Variants in PRKCH observed in about 807,000 individuals in gnomAD.
The protein encoded by PRKCH is protein kinase C eta.
In PRKCH, 28 loss-of-function variants were observed where a neutral mutation model predicts 82.5. The observed-to-expected ratio is 0.34, with a 90% CI of 0.25 to 0.47. PRKCH has a LOEUF of 0.47. Among genes scored for constraint, PRKCH ranks in the 20% least tolerant of loss-of-function variants. PRKCH has a pLI of 1.00. For missense variants in PRKCH, 705 were observed against 881.8 expected (o/e 0.80, Z 2.54); for synonymous variants, 322 against 327.4 (o/e 0.98, Z 0.18).
chr14:61,306,173 A>G (rs2045484256), intron 1 of PRKCH: 1 of 152,188 alleles, frequency 6.6e-6, no homozygotes, highest in African/African-American at 2.4e-5. Context: ...GGTGCTTAGT[A>G]AGGTCTCTCC....
intron 1 of PRKCH, among the ~76,000 whole-genome samples, chr14:61,262,138 T>G (rs575775765): frequency 2.0e-5 from 3 of 149,274 alleles, no homozygotes; most frequent in Non-Finnish European, 4.4e-5. Flanking sequence ...GGAGAATTGC[T>G]TGAACCTGGG....
At chr14:61,436,146 C>G (rs1295097538) in intron 2 of PRKCH, among the ~76,000 whole-genome samples, 1 of 152,206 alleles carries the variant, frequency 6.6e-6, no homozygotes, top group African/African-American at 2.4e-5. Context: ...ACGTTCTGTT[C>G]TAATCACTGT....
intron 1 of PRKCH, among the ~76,000 whole-genome samples, chr14:61,222,422 G>C (rs2044662848): frequency 6.6e-6 from 1 of 152,028 alleles, no homozygotes; most frequent in African/African-American, 2.4e-5. Flanking sequence ...ATGTTTTTAA[G>C]ACAATAAATG....
At chr14:61,482,125 G>A (rs1244749436) in intron 9 of PRKCH, among the ~76,000 whole-genome samples, 1 of 150,638 alleles carries the variant, frequency 6.6e-6, no homozygotes, top group Non-Finnish European at 1.5e-5. Flanking sequence ...CTCCCAAGTA[G>A]CTGGAATTAG....
At chr14:61,265,872 A>G (rs1487118630) in intron 1 of PRKCH, among the ~76,000 whole-genome samples, 1 of 152,138 alleles carries the variant, frequency 6.6e-6, no homozygotes, top group Non-Finnish European at 1.5e-5. Flanking sequence ...AGGTAGGAGG[A>G]TCACTAGAGG....
chr14:61,284,018 G>T (rs2140094943), intron 1 of PRKCH, among the ~76,000 whole-genome samples: 1 of 152,336 alleles, frequency 6.6e-6, no homozygotes, highest in South Asian at 2.1e-4. Flanking sequence ...AGATAATAGT[G>T]CAGATGAGGT....
intron 1 of PRKCH, among the ~76,000 whole-genome samples, chr14:61,295,230 A>G (rs190816721): frequency 2.0e-5 from 3 of 152,352 alleles, no homozygotes; most frequent in Admixed American, 6.5e-5. Context: ...AGAGAACATG[A>G]AAAAGGATTC....
At chr14:61,297,626 G>A (rs889549897) in intron 1 of PRKCH, among the ~76,000 whole-genome samples, 1 of 152,210 alleles carries the variant, frequency 6.6e-6, no homozygotes, top group African/African-American at 2.4e-5. Flanking sequence ...CATAAGGAAT[G>A]TGTGACCTAG....
At chr14:61,368,396 C>T (rs1384920097) in intron 1 of PRKCH, among the ~76,000 whole-genome samples, 1 of 152,072 alleles carries the variant, frequency 6.6e-6, no homozygotes, top group African/African-American at 2.4e-5. Context: ...AGGGAAAAGG[C>T]CCTGTACTGC....
At chr14:61,203,015 C>T (rs887970719) in intron 1 of PRKCH, among the ~76,000 whole-genome samples, 1 of 152,054 alleles carries the variant, frequency 6.6e-6, no homozygotes, top group African/African-American at 2.4e-5. Context: ...CCCTGCGCTC[C>T]ACCTGTTCAT....
intron 1 of PRKCH, among the ~76,000 whole-genome samples, chr14:61,362,246 G>T (rs981820203): frequency 4.6e-5 from 7 of 151,700 alleles, no homozygotes; most frequent in African/African-American, 1.7e-4. Flanking sequence ...AGGCAGAAGA[G>T]GGAGGATAGC....
intron 1 of PRKCH, among the ~76,000 whole-genome samples, chr14:61,267,081 G>A (rs1007061911): frequency 1.3e-5 from 2 of 152,174 alleles, no homozygotes; most frequent in Non-Finnish European, 2.9e-5. Context: ...AGGACCTGGA[G>A]GCTATAGAAC....
intron 10 of PRKCH, among the ~76,000 whole-genome samples, chr14:61,524,057 C>A (rs989612998): frequency 6.6e-6 from 1 of 152,200 alleles, no homozygotes; most frequent in African/African-American, 2.4e-5. Context: ...AAAAATAGTT[C>A]ATATAAATAG....
chr14:61,255,102 G>C (rs1221868719), intron 1 of PRKCH, among the ~76,000 whole-genome samples: 2 of 152,218 alleles, frequency 1.3e-5, no homozygotes, highest in African/African-American at 4.8e-5. Flanking sequence ...GATTAGGGCT[G>C]GAGTTGTGAA....
At chr14:61,547,021 G>A (rs1566938536) in intron 12 of PRKCH, among the ~76,000 whole-genome samples, 1 of 152,188 alleles carries the variant, frequency 6.6e-6, no homozygotes, top group Non-Finnish European at 1.5e-5. Context: ...GAATCTCTAT[G>A]CACACATCGC....
chr14:61,527,409 C>T (rs149063434), intron 10 of PRKCH, among the ~76,000 whole-genome samples: 1 of 152,204 alleles, frequency 6.6e-6, no homozygotes, highest in Non-Finnish European at 1.5e-5. Flanking sequence ...TCTGCTGCTT[C>T]TCTCTATCCG....
chr14:61,508,373 TAG>T, intron 10 of PRKCH, among the ~76,000 whole-genome samples: 1 of 152,208 alleles, frequency 6.6e-6, no homozygotes, highest in Admixed American at 6.5e-5. Flanking sequence ...ATACAGAGAT[TAG>T]AGTTGTGTTC....
intron 1 of PRKCH, among the ~76,000 whole-genome samples, chr14:61,328,434 C>A (rs186394481): frequency 1.6e-5 from 2 of 126,188 alleles, no homozygotes; most frequent in Admixed American, 8.8e-5. Flanking sequence ...ATTTTCACGC[C>A]CAAAATGTTA....
At chr14:61,429,093 G>T (rs768436712) in intron 2 of PRKCH, among the ~76,000 whole-genome samples, 1 of 152,164 alleles carries the variant, frequency 6.6e-6, no homozygotes, top group Non-Finnish European at 1.5e-5. Flanking sequence ...TTGTTTTAGG[G>T]ACTCCTAGCA....
Sources: gnomAD v4.1 joint callset for allele counts (sites outside exome capture counted in the v4.1 genomes callset) on GRCh38, gnomAD v4.1.1 for gene constraint, MANE v1.5 for transcripts, NCBI Gene and HGNC (gene_info 2026-07-23, HGNC 2026-07-21) for gene names.